Variants in KHDRBS2 observed in about 807,000 individuals in gnomAD.
The protein encoded by KHDRBS2 is KH domain-containing, RNA-binding, signal transduction-associated protein 2.
KHDRBS2 carries 26 observed loss-of-function variants against 44.3 expected under a neutral mutation model. The ratio of observed to expected loss-of-function variants is 0.59; its 90% confidence interval spans 0.43 to 0.81. KHDRBS2 has a LOEUF of 0.81. Among genes scored for constraint, KHDRBS2 ranks in the 40% least tolerant of loss-of-function variants. The pLI, the probability that KHDRBS2 is intolerant of heterozygous loss-of-function variation, is 0.00. For missense variants in KHDRBS2, 476 were observed against 433.1 expected, an observed-to-expected ratio of 1.10 and a Z score of -0.88; for synonymous variants, 194 against 151.1, an observed-to-expected ratio of 1.28 and a Z score of -2.08.
chr6:61,955,455 T>TATACACATATGTATGTATGC (rs1766722668), intron 4 of KHDRBS2, among the ~76,000 whole-genome samples: 4 of 57,432 alleles, frequency 7.0e-5, no homozygotes, highest in East Asian at 1.1e-3. Flanking sequence ...TATGTGTATA[T>TATACACATATGTATGTATGC]ATACATATGT....
chr6:61,891,512 C>A (rs1003190135), intron 6 of KHDRBS2, among the ~76,000 whole-genome samples: 5 of 152,098 alleles, frequency 3.3e-5, no homozygotes, highest in Non-Finnish European at 7.4e-5. Flanking sequence ...GGAATGGTAC[C>A]AGCTCCTCCT....
At chr6:61,708,559 A>G (rs1285241070) in intron 7 of KHDRBS2, among the ~76,000 whole-genome samples, 1 of 151,606 alleles carries the variant, frequency 6.6e-6, no homozygotes, top group African/African-American at 2.4e-5. Context: ...TTATTACTGT[A>G]TTATTTACTT....
the KHDRBS2 span, among the ~76,000 whole-genome samples, chr6:61,673,469 A>G: frequency 4.6e-5 from 7 of 150,678 alleles, no homozygotes; most frequent in African/African-American, 1.7e-4. Flanking sequence ...AAATAGGAAA[A>G]GAGGAAGTCA....
chr6:61,785,823 C>T (rs1451999544), intron 6 of KHDRBS2, among the ~76,000 whole-genome samples: 5 of 151,988 alleles, frequency 3.3e-5, no homozygotes, highest in Admixed American at 6.6e-5. Context: ...TTTTTGCTTA[C>T]GTAATAATAG....
chr6:62,277,364 C>T (rs568331777), intron 1 of KHDRBS2, among the ~76,000 whole-genome samples: 47 of 151,918 alleles, frequency 3.1e-4, no homozygotes, highest in East Asian at 1.4e-3. Flanking sequence ...GTTTTTGAGA[C>T]GGAGTCTTGC....
the KHDRBS2 span, among the ~76,000 whole-genome samples, chr6:61,573,762 C>T: frequency 1.3e-5 from 2 of 150,180 alleles, no homozygotes; most frequent in Admixed American, 1.3e-4. Context: ...GCACTCCAGC[C>T]TGGGCAACAA....
At chr6:61,981,274 C>T (rs1010607576) in intron 3 of KHDRBS2, among the ~76,000 whole-genome samples, 4 of 152,060 alleles carry the variant, frequency 2.6e-5, no homozygotes, top group African/African-American at 9.7e-5. Context: ...TCTGTTAAAA[C>T]AACAAAGTTT....
At chr6:61,989,559 A>G (rs1775727124) in intron 3 of KHDRBS2, among the ~76,000 whole-genome samples, 1 of 152,184 alleles carries the variant, frequency 6.6e-6, no homozygotes, top group South Asian at 2.1e-4. Flanking sequence ...CTGCTTGGCT[A>G]TAAAAAAATG....
intron 1 of KHDRBS2, among the ~76,000 whole-genome samples, chr6:62,262,424 G>A (rs1838501223): frequency 1.3e-5 from 2 of 151,642 alleles, no homozygotes; most frequent in Admixed American, 6.6e-5. Flanking sequence ...AAACCCATCT[G>A]TCAGCCAAAC....
intron 2 of KHDRBS2, among the ~76,000 whole-genome samples, chr6:62,091,010 C>T (rs208975): frequency 6.6e-6 from 1 of 152,012 alleles, no homozygotes; most frequent in Non-Finnish European, 1.5e-5. Flanking sequence ...ATGGGTGACA[C>T]TGTAATTGGG....
the KHDRBS2 span, among the ~76,000 whole-genome samples, chr6:61,623,296 G>T: frequency 1.3e-5 from 2 of 152,160 alleles, no homozygotes; most frequent in African/African-American, 2.4e-5. Context: ...GACTGTAAAG[G>T]TTCCTCCAGT....
the KHDRBS2 span, among the ~76,000 whole-genome samples, chr6:61,576,416 T>C: frequency 6.6e-6 from 1 of 152,108 alleles, no homozygotes; most frequent in African/African-American, 2.4e-5. Context: ...ATGCTACAGA[T>C]TTTGTATGCT....
At chr6:62,215,072 T>C (rs1829750636) in intron 1 of KHDRBS2, among the ~76,000 whole-genome samples, 2 of 152,020 alleles carry the variant, frequency 1.3e-5, no homozygotes, top group Admixed American at 1.3e-4. Flanking sequence ...CAGAGGTCTG[T>C]CTAACAGGTA....
At chr6:62,186,692 C>G (rs1269505774) in intron 1 of KHDRBS2, among the ~76,000 whole-genome samples, 1 of 151,922 alleles carries the variant, frequency 6.6e-6, no homozygotes, top group Non-Finnish European at 1.5e-5. Flanking sequence ...ATGTTGGAAT[C>G]TTTTGGATAG....
intron 2 of KHDRBS2, among the ~76,000 whole-genome samples, chr6:62,117,880 A>T (rs1806650969): frequency 6.6e-6 from 1 of 151,834 alleles, no homozygotes; most frequent in African/African-American, 2.4e-5. Flanking sequence ...GGTTTAAGTG[A>T]TTTTCCTGTT....
At chr6:62,129,199 C>G (rs4710672) in intron 2 of KHDRBS2, among the ~76,000 whole-genome samples, 67,424 of 151,894 alleles carry the variant, frequency 0.44, 16,780 homozygotes, top group Non-Finnish European at 0.55. Context: ...TAAATTTCCT[C>G]TGTTTACAAG....
the KHDRBS2 span, among the ~76,000 whole-genome samples, chr6:61,550,807 T>G: frequency 6.8e-6 from 1 of 148,096 alleles, no homozygotes; most frequent in African/African-American, 2.5e-5. Context: ...GGAGTTTTGC[T>G]CTGTCACTCA....
In KHDRBS2 at chr6:62,063,584, T is replaced by A. The variant is rs1792656863; in HGVS notation, c.220-15590A>T. On this transcript the variant is annotated intron_variant, in intron 2 of 8. Coordinates refer to ENST00000281156, the MANE Select transcript of KHDRBS2 (RefSeq NM_152688.4). ...GCCTTTGACAAAATTCAACAACCCT[T>A]CATGATAAAAACTCTCAATAAATTA... Among the ~76,000 whole-genome samples, 3 of 151,612 alleles carry A rather than the reference T, an allele frequency of 2.0e-5. No homozygotes were observed. The South Asian group carries it at 6.3e-4, about 32-fold the overall frequency.
chr6:61,628,210 CTTTTTTTTTTTTTTTTTTTT>C, the KHDRBS2 span, among the ~76,000 whole-genome samples: 2 of 82,312 alleles, frequency 2.4e-5, no homozygotes, highest in African/African-American at 1.1e-4. Flanking sequence ...CATGTGTAGC[CTTTTTTTTTTTTTTTTTTTT>C]TTTTTTTTTT....
Sources: gnomAD v4.1 joint callset for allele counts (sites outside exome capture counted in the v4.1 genomes callset) on GRCh38, gnomAD v4.1.1 for gene constraint, MANE v1.5 for transcripts, NCBI Gene and HGNC (gene_info 2026-07-23, HGNC 2026-07-21) for gene names.